Variants in TRAPPC3L observed in about 807,000 individuals in gnomAD.
TRAPPC3L encodes trafficking protein particle complex subunit 3L, also known as trafficking protein particle complex subunit 3-like protein.
TRAPPC3L carries 23 observed loss-of-function variants against 23.7 expected under a neutral mutation model. The observed-to-expected ratio is 0.97, with a 90% confidence interval of 0.70 to 1.37. The LOEUF (loss-of-function observed/expected upper bound fraction) is 1.37, where lower values mean the gene tolerates loss of function less well. Among genes scored for constraint, TRAPPC3L ranks in the 40% most tolerant of loss-of-function variants. The pLI, the probability that TRAPPC3L is intolerant of heterozygous loss-of-function variation, is 0.00. For missense variants in TRAPPC3L, 212 were observed against 216.8 expected, an observed-to-expected ratio of 0.98 and a Z score of 0.14; for synonymous variants, 81 against 77.9, an observed-to-expected ratio of 1.04 and a Z score of -0.21.
chr6:116,515,885 CA>C (rs1772214641), intron 3 of TRAPPC3L: 1 of 1,613,842 alleles, frequency 6.2e-7, no homozygotes, highest in Admixed American at 1.7e-5. Flanking sequence ...CCAAAGCCAG[CA>C]ACACTATAGC....
chr6:116,512,269 G>A (rs1772138347), intron 3 of TRAPPC3L: 1 of 1,561,448 alleles, frequency 6.4e-7, no homozygotes. Context: ...TTTTCTCTCA[G>A]CATGAGCTCG....
chr6:116,540,166 G>C (rs534849603), intron 3 of TRAPPC3L, among the ~76,000 whole-genome samples, 197 bp downstream of exon 3: 1 of 152,124 alleles, frequency 6.6e-6, no homozygotes, highest in Non-Finnish European at 1.5e-5. Context: ...AAAATCTATA[G>C]TTGCTTAAAT....
intron 4 of TRAPPC3L, among the ~76,000 whole-genome samples, chr6:116,497,332 G>T (rs1771847498): frequency 6.6e-6 from 1 of 152,174 alleles, no homozygotes; most frequent in Non-Finnish European, 1.5e-5. Context: ...GCCAAGCTTA[G>T]CTCAATGTGC....
chr6:116,530,868 A>T (rs1269217854), intron 3 of TRAPPC3L, among the ~76,000 whole-genome samples: 1 of 141,270 alleles, frequency 7.1e-6, no homozygotes, highest in Non-Finnish European at 1.5e-5. Context: ...AACATAAATA[A>T]TGTGAGCAGA....
At chr6:116,543,545 A>C (rs1423814489) in intron 1 of TRAPPC3L, 145 bp from the exon 2 acceptor site, 1 of 718,566 alleles carries the variant, frequency 1.4e-6, no homozygotes, top group Non-Finnish European at 2.3e-6. Context: ...AACAATTTGC[A>C]CTTTTGAAAA....
chr6:116,528,968 G>A (rs762089622), intron 3 of TRAPPC3L: 4 of 152,244 alleles, frequency 2.6e-5, no homozygotes, highest in Non-Finnish European at 4.4e-5. Context: ...AGGGATTACA[G>A]GGATTAGTAA....
At chr6:116,542,139 A>G (rs954228603) in intron 2 of TRAPPC3L, among the ~76,000 whole-genome samples, 4 of 152,174 alleles carry the variant, frequency 2.6e-5, no homozygotes, top group Admixed American at 2.0e-4. Flanking sequence ...TGGAAATGCT[A>G]TGTCAGATGT....
At chr6:116,507,144 T>C (rs1159661132) in intron 3 of TRAPPC3L, among the ~76,000 whole-genome samples, 1 of 152,192 alleles carries the variant, frequency 6.6e-6, no homozygotes, top group East Asian at 1.9e-4. Context: ...TTAAAAGATA[T>C]ATATCCTTTA....
chr6:116,502,589 T>G (rs1428520287), intron 3 of TRAPPC3L, among the ~76,000 whole-genome samples: 1 of 152,114 alleles, frequency 6.6e-6, no homozygotes, highest in Non-Finnish European at 1.5e-5. Context: ...TCACCAAGGT[T>G]GAAATGAAGG....
chr6:116,502,418 C>T (rs2637664), intron 3 of TRAPPC3L, among the ~76,000 whole-genome samples: 148,515 of 152,354 alleles, frequency 0.97, 72,409 homozygotes, highest in East Asian at 1. Flanking sequence ...CTGAAAGTGA[C>T]GGGGAGAATG....
In TRAPPC3L at chr6:116,505,691, ACAGAGGCCTCAG is replaced by A. The variant is rs1771992930; in HGVS notation, c.241-5037_241-5026del. On this transcript the variant is annotated intron_variant, in intron 3 of 4. Coordinates refer to ENST00000368602, the MANE Select transcript of TRAPPC3L (RefSeq NM_001139444.3). The stretch of plus-strand genomic sequence containing the variant: ...CAGATATATAGACCAATGGAACAGA[ACAGAGGCCTCAG>A]AAATAACACCACACCTCTACAACCA... 5.9e-5 allele frequency among the ~76,000 whole-genome samples: 9 copies of A among 152,320 alleles called. No homozygotes were observed. The South Asian group carries it at 1.9e-3, about 32-fold the overall frequency.
intron 3 of TRAPPC3L, among the ~76,000 whole-genome samples, chr6:116,535,652 T>C (rs1773027609): frequency 6.6e-6 from 1 of 152,252 alleles, no homozygotes; most frequent in Admixed American, 6.5e-5. Context: ...TATAGGTCTG[T>C]AAGTAACAGT....
intron 3 of TRAPPC3L, chr6:116,520,185 CTG>C (rs1273565213): frequency 2.0e-5 from 3 of 152,186 alleles, no homozygotes; most frequent in African/African-American, 7.2e-5. Context: ...TGATGATCCA[CTG>C]ATTTACTCTA....
chr6:116,528,936 T>C (rs1772533551), intron 3 of TRAPPC3L: 1 of 152,246 alleles, frequency 6.6e-6, no homozygotes. Flanking sequence ...CTGATAAGTT[T>C]CCTTTGTTGT....
At chr6:116,516,274 CAT>C (rs1772222688) in intron 3 of TRAPPC3L, 1 of 286,228 alleles carries the variant, frequency 3.5e-6, no homozygotes, top group African/African-American at 2.2e-5. Context: ...CAGACAGACT[CAT>C]GTGAGAGGGC....
In TRAPPC3L at chr6:116,495,312, T is replaced by C. The variant is rs1025774812; in HGVS notation, c.*1642A>G. 1 of 152,084 alleles carries C rather than the reference T, an allele frequency of 6.6e-6. No homozygotes were observed. Among genetic ancestry groups the C allele is most frequent in the African/African-American group, 2.4e-5 (1 of 41,412 alleles). The allele number at this position is 152,084 out of a possible 1,614,324, so 9.4% of individuals were successfully genotyped here. A position where few individuals can be genotyped will look rare whatever the true frequency, so the allele number is the denominator to read the frequency against. ...ATATTTCATTGAACATAATGACCTC[T>C]AGTTCCATCCATGTTTTGCAAATGA... On this transcript the variant is annotated 3_prime_UTR_variant, in exon 5 of 5. Coordinates refer to ENST00000368602, the MANE Select transcript of TRAPPC3L (RefSeq NM_001139444.3).
chr6:116,495,856 T>G lies in TRAPPC3L; in HGVS notation c.*1098A>C, dbSNP rs1771826223. 2.0e-5 allele frequency: 1 copy of G among 49,544 alleles called. No individual in the cohort carries two copies. Among genetic ancestry groups the G allele is most frequent in the Non-Finnish European group, 3.8e-5 (1 of 26,200 alleles). The allele number at this position is 49,544 out of a possible 1,614,324, so 3.1% of individuals were successfully genotyped here. A position where few individuals can be genotyped will look rare whatever the true frequency, so the allele number is the denominator to read the frequency against. On this transcript the variant is annotated 3_prime_UTR_variant, in exon 5 of 5. Coordinates refer to ENST00000368602, the MANE Select transcript of TRAPPC3L (RefSeq NM_001139444.3). ...TGTCTATTCAGATCTTTTGCCCATC[T>G]TTAATTGGATTATTAATTTTAATTT...
At chr6:116,512,229 A>G (rs750519568) in intron 3 of TRAPPC3L, 43 of 1,594,352 alleles carry the variant, frequency 2.7e-5, no homozygotes, top group African/African-American at 1.7e-4. Context: ...CTTCAGGCCC[A>G]GTCTCAGGTA....
chr6:116,511,725 T>C, intron 3 of TRAPPC3L: 1 of 1,613,712 alleles, frequency 6.2e-7, no homozygotes, highest in Non-Finnish European at 8.5e-7. Flanking sequence ...ATTTTAAAAT[T>C]CTTCCTTAAT....
Sources: allele counts gnomAD v4.1 joint callset (sites outside exome capture counted in the v4.1 genomes callset), GRCh38; gene constraint gnomAD v4.1.1; transcripts MANE v1.5; gene names NCBI Gene and HGNC (gene_info 2026-07-23, HGNC 2026-07-21).